Variants in CSMD1 observed in about 807,000 individuals in gnomAD.
CSMD1 encodes the protein CUB and sushi domain-containing protein 1.
In CSMD1, 213 loss-of-function variants were observed where a neutral mutation model predicts 417.5. That is an observed-to-expected ratio of 0.51 (90% CI 0.46 to 0.57). The LOEUF (loss-of-function observed/expected upper bound fraction) is 0.57, where lower values mean the gene tolerates loss of function less well. Among genes scored for constraint, CSMD1 ranks in the 20% least tolerant of loss-of-function variants. The probability of loss-of-function intolerance (pLI) is 0.00; values close to 1 mark genes in which losing one functional copy is unlikely to be tolerated. For missense variants in CSMD1, 6,923 were observed against 4,529.7 expected (o/e 1.53, Z -15.17); for synonymous variants, 2,862 against 1,736.8 (o/e 1.65, Z -16.11).
chr8:4,721,302 G>C (rs996457771), intron 1 of CSMD1, among the ~76,000 whole-genome samples: 1 of 152,136 alleles, frequency 6.6e-6, no homozygotes, highest in Non-Finnish European at 1.5e-5. Flanking sequence ...AAATACATGT[G>C]ATTTTGTAGT....
intron 3 of CSMD1, among the ~76,000 whole-genome samples, chr8:4,163,427 T>C (rs1223752519): frequency 6.6e-6 from 1 of 152,218 alleles, no homozygotes; most frequent in East Asian, 1.9e-4. Flanking sequence ...TTGGCCAATT[T>C]CTTTTTTCTT....
At chr8:3,736,908 G>T (rs547863157) in intron 6 of CSMD1, among the ~76,000 whole-genome samples, 1 of 152,168 alleles carries the variant, frequency 6.6e-6, no homozygotes, top group African/African-American at 2.4e-5. Flanking sequence ...CATCCTACTA[G>T]AACATTCCGT....
chr8:4,746,075 C>T (rs1173874756), intron 1 of CSMD1, among the ~76,000 whole-genome samples: 1 of 152,238 alleles, frequency 6.6e-6, no homozygotes, highest in African/African-American at 2.4e-5. Flanking sequence ...CTGTCAGCCC[C>T]TCACATCAGA....
intron 5 of CSMD1, among the ~76,000 whole-genome samples, chr8:3,926,348 T>A (rs758970938): frequency 6.6e-6 from 1 of 152,258 alleles, no homozygotes; most frequent in East Asian, 1.9e-4. Context: ...TTTTATCTTA[T>A]CTTATTTTAT....
intron 5 of CSMD1, among the ~76,000 whole-genome samples, chr8:3,948,193 G>T (rs1406098130): frequency 1.3e-5 from 2 of 152,050 alleles, no homozygotes; most frequent in East Asian, 3.8e-4. Flanking sequence ...AACAGACCAA[G>T]ACTCCGTCTA....
At chr8:3,508,551 C>G (rs79100636) in intron 10 of CSMD1, among the ~76,000 whole-genome samples, 35,157 of 151,430 alleles carry the variant, frequency 0.23, 4,814 homozygotes, top group East Asian at 0.49. Flanking sequence ...AAATACTAAA[C>G]ACTAAGAATG....
chr8:3,857,270 A>C (rs979118188), intron 5 of CSMD1, among the ~76,000 whole-genome samples: 24 of 152,156 alleles, frequency 1.6e-4, no homozygotes, highest in Non-Finnish European at 1.5e-5. Flanking sequence ...AAATGGAGTA[A>C]TCTTTAAACT....
chr8:3,376,694 T>C (rs1810327229), intron 18 of CSMD1, among the ~76,000 whole-genome samples: 1 of 152,136 alleles, frequency 6.6e-6, no homozygotes, highest in Admixed American at 6.5e-5. Context: ...CATTTGAATG[T>C]GTGAAAGAGT....
chr8:3,924,844 A>T (rs1809529945), intron 5 of CSMD1, among the ~76,000 whole-genome samples: 1 of 152,014 alleles, frequency 6.6e-6, no homozygotes, highest in Non-Finnish European at 1.5e-5. Context: ...TTTTTTTGTC[A>T]GGCGGTTCAA....
At chr8:4,350,267 T>C (rs1387152905) in intron 3 of CSMD1, among the ~76,000 whole-genome samples, 6 of 152,180 alleles carry the variant, frequency 3.9e-5, no homozygotes, top group Admixed American at 3.9e-4. Context: ...AGCCTCACTC[T>C]AGGGGACGCC....
intron 11 of CSMD1, among the ~76,000 whole-genome samples, chr8:3,480,562 C>T (rs957089002): frequency 2.0e-5 from 3 of 152,106 alleles, no homozygotes; most frequent in East Asian, 3.9e-4. Flanking sequence ...TGGCAAAACA[C>T]GTGAATTTAT....
intron 25 of CSMD1, among the ~76,000 whole-genome samples, chr8:3,286,776 G>C (rs1803194406): frequency 1.3e-5 from 2 of 152,066 alleles, no homozygotes; most frequent in Non-Finnish European, 2.9e-5. Flanking sequence ...TGTAGGTTGA[G>C]TGTTGACTCT....
intron 10 of CSMD1, among the ~76,000 whole-genome samples, chr8:3,498,331 T>C (rs1796452834): frequency 6.6e-6 from 1 of 152,268 alleles, no homozygotes; most frequent in African/African-American, 2.4e-5. Flanking sequence ...GTATACAAAG[T>C]TTAACGATCA....
intron 3 of CSMD1, among the ~76,000 whole-genome samples, chr8:4,087,927 C>T (rs1424658693): frequency 2.0e-5 from 3 of 152,132 alleles, no homozygotes; most frequent in Non-Finnish European, 2.9e-5. Flanking sequence ...GTCAAAATTT[C>T]CCCTTGTGAC....
intron 3 of CSMD1, among the ~76,000 whole-genome samples, chr8:4,386,046 C>T (rs1244070788): frequency 6.6e-6 from 1 of 152,098 alleles, no homozygotes; most frequent in Non-Finnish European, 1.5e-5. Flanking sequence ...CAGTCTGTGC[C>T]ATCCTGTCTT....
At position 2,955,720 on chromosome 8, in the gene CSMD1, G is replaced by C. The variant is rs1360565794; in HGVS notation, c.9863C>G (p.Ala3288Gly). The change falls in exon 64 of 70, where the codon GCC (alanine) becomes GGC (glycine). Residue 3288 changes from alanine to glycine, a missense_variant. Physicochemically the swap from Ala to Gly is moderately conservative, Grantham distance 60 (BLOSUM62 0). Transcript: ENST00000635120. ...GTAGCCGAAAGTAGGAAGATCGATG[G>C]CTCTCACATCCGCGTGTGCCGGGGT... ...PETPAHADVR[A>G]IDLPTFGYTL... 1 of 1,613,908 alleles carries C rather than the reference G, an allele frequency of 6.2e-7. No homozygotes were observed. The highest frequency in any genetic ancestry group is 8.5e-7 in the Non-Finnish European group (1 of 1,179,826).
At chr8:4,913,917 T>G (rs1055833944) in intron 1 of CSMD1, among the ~76,000 whole-genome samples, 2 of 152,204 alleles carry the variant, frequency 1.3e-5, no homozygotes, top group African/African-American at 4.8e-5. Flanking sequence ...TTAATGCGAT[T>G]ACCAAAGGAA....
At chr8:3,226,040 G>C (rs976808421) in intron 27 of CSMD1, among the ~76,000 whole-genome samples, 3 of 152,180 alleles carry the variant, frequency 2.0e-5, no homozygotes, top group African/African-American at 7.2e-5. Context: ...ACCAGGGTTT[G>C]AAGCTGGTCT....
intron 1 of CSMD1, among the ~76,000 whole-genome samples, chr8:4,932,813 C>T (rs1050958384): frequency 6.6e-6 from 1 of 152,206 alleles, no homozygotes; most frequent in Admixed American, 6.5e-5. Context: ...TACCCCTTCC[C>T]TGTGCTCCCT....
Sources: allele counts gnomAD v4.1 joint callset (sites outside exome capture counted in the v4.1 genomes callset), GRCh38; gene constraint gnomAD v4.1.1; transcripts MANE v1.5; gene names NCBI Gene and HGNC (gene_info 2026-07-23, HGNC 2026-07-21).